GPC3: variants seen among roughly 807,000 people sequenced by gnomAD.
The protein encoded by GPC3 is glypican 3.
In GPC3, 3 loss-of-function variants were observed where a neutral mutation model predicts 34.4. The ratio of observed to expected loss-of-function variants is 0.09; its 90% CI spans 0.04 to 0.23. The LOEUF is 0.23. Among genes scored for constraint, GPC3 ranks in the 10% least tolerant of loss-of-function variants. The pLI is 1.00. For synonymous variants in GPC3, 177 were observed against 174.0 expected (o/e 1.02, Z -0.13); for missense variants, 351 against 445.6 (o/e 0.79, Z 1.91).
intron 5 of GPC3, among the ~76,000 whole-genome samples, chrX:133,686,787 ACACACACACACACACACTTGCGCCTG>A (rs1348134797): frequency 9.1e-6 from 1 of 110,236 alleles, no homozygotes; most frequent in Non-Finnish European, 1.9e-5. Context: ...ACACACACAC[ACACACACACACACACACTTGCGCCTG>A]CACACACACA....
At chrX:133,609,102 C>T (rs1424841941) in intron 6 of GPC3, among the ~76,000 whole-genome samples, 1 of 112,123 alleles carries the variant, frequency 8.9e-6, no homozygotes, top group Non-Finnish European at 1.9e-5. Flanking sequence ...TAGCTTCACT[C>T]CTTAAGTAAA....
chrX:133,762,759 C>T (rs765820546), intron 2 of GPC3: 2 of 432,159 alleles, frequency 4.6e-6, no homozygotes, highest in Non-Finnish European at 4.1e-6. Flanking sequence ...CAGCGTTTTT[C>T]GGGATTCCTG....
chrX:133,715,267 C>A (rs1452182475), intron 3 of GPC3, among the ~76,000 whole-genome samples: 2 of 111,898 alleles, frequency 1.8e-5, no homozygotes, highest in South Asian at 3.8e-4. Context: ...GACTTAACAC[C>A]AGTGGTTTGC....
intron 3 of GPC3, among the ~76,000 whole-genome samples, chrX:133,701,020 T>C (rs1872049154): frequency 8.9e-6 from 1 of 111,739 alleles, no homozygotes; most frequent in Non-Finnish European, 1.9e-5. Context: ...CCTTCTTTCC[T>C]CCCTTTCTTC....
chrX:133,904,143 G>A (rs992539533), intron 2 of GPC3, among the ~76,000 whole-genome samples: 1 of 111,969 alleles, frequency 8.9e-6, no homozygotes, highest in African/African-American at 3.2e-5. Flanking sequence ...GATGTTTTCT[G>A]ATATATCTGA....
At chrX:133,616,123 C>T (rs192395187) in intron 6 of GPC3, among the ~76,000 whole-genome samples, 1 of 111,598 alleles carries the variant, frequency 9.0e-6, no homozygotes, top group East Asian at 2.8e-4. Flanking sequence ...ACAAGTAACA[C>T]GACTTTGTAC....
At chrX:133,981,647 TTC>T (rs2076539825) in intron 1 of GPC3, among the ~76,000 whole-genome samples, 1 of 112,171 alleles carries the variant, frequency 8.9e-6, no homozygotes, top group Non-Finnish European at 1.9e-5. Context: ...TCACTTATTA[TTC>T]TCTCTCTGGA....
intron 3 of GPC3, among the ~76,000 whole-genome samples, chrX:133,703,933 C>G (rs2071190401): frequency 8.9e-6 from 1 of 112,193 alleles, no homozygotes; most frequent in Non-Finnish European, 1.9e-5. Context: ...TGTCTTGGGC[C>G]ACACATAAAA....
At chrX:133,914,855 C>G (rs1603271666) in intron 2 of GPC3, among the ~76,000 whole-genome samples, 1 of 74,610 alleles carries the variant, frequency 1.3e-5, no homozygotes, top group Non-Finnish European at 2.6e-5. Flanking sequence ...AAAAGAGAAA[C>G]AAAAATTAAC....
intron 5 of GPC3, among the ~76,000 whole-genome samples, chrX:133,679,421 G>C (rs542827639): frequency 1.8e-5 from 2 of 110,900 alleles, no homozygotes; most frequent in African/African-American, 6.6e-5. Flanking sequence ...AGGCAGGGGA[G>C]GTATTAATTT....
intron 6 of GPC3, among the ~76,000 whole-genome samples, chrX:133,603,876 T>C (rs749946044): frequency 3.6e-5 from 4 of 111,821 alleles, no homozygotes; most frequent in Non-Finnish European, 5.6e-5. Context: ...TTGTGCTTGG[T>C]CCATGGGAGA....
intron 6 of GPC3, among the ~76,000 whole-genome samples, chrX:133,643,490 A>C (rs909807045): frequency 8.9e-6 from 1 of 112,232 alleles, no homozygotes; most frequent in Admixed American, 9.4e-5. Context: ...TTCTGATTTA[A>C]AAAAATAATT....
chrX:133,783,852 T>C (rs2072075024), intron 2 of GPC3, among the ~76,000 whole-genome samples: 1 of 112,187 alleles, frequency 8.9e-6, no homozygotes, highest in Non-Finnish European at 1.9e-5. Flanking sequence ...CTGGCCATTG[T>C]TTTAAAAGGA....
intron 2 of GPC3, among the ~76,000 whole-genome samples, chrX:133,770,576 A>C (rs1679103193): frequency 9.0e-6 from 1 of 111,547 alleles, no homozygotes; most frequent in Non-Finnish European, 1.9e-5. Flanking sequence ...AATCTCCTAG[A>C]AAGTCCCAAG....
At chrX:133,863,138 T>C (rs1391709980) in intron 2 of GPC3, among the ~76,000 whole-genome samples, 1 of 112,591 alleles carries the variant, frequency 8.9e-6, no homozygotes, top group East Asian at 2.8e-4. Flanking sequence ...ATTGGTCTCA[T>C]GTAGAAAATG....
rs151203963 is a variant in GPC3 at position 133,553,671 on chromosome X, T to C, written c.1574-17378A>G. On this transcript the variant is annotated intron_variant, in intron 7 of 7. Transcript: ENST00000370818. ...TTTTCCCAAACCATTTAGGAAGAGA[T>C]CAGACTAGAAGTGCCCCTTGGAATA... 3.0e-4 allele frequency among the ~76,000 whole-genome samples: 34 copies of C among 111,664 alleles called. No homozygotes were observed. In the East Asian group the frequency reaches 9.4e-3, roughly 31 times the overall value.
At position 133,586,064 on chromosome X, in the gene GPC3, C is replaced by T. The variant is rs765874530; in HGVS notation, c.1573+10376G>A. 2.1e-3 allele frequency among the ~76,000 whole-genome samples: 233 copies of T among 111,755 alleles called. 1 individual carries two copies. The highest frequency in any genetic ancestry group is 3.6e-3 in the Non-Finnish European group (193 of 53,154). On this transcript the variant is annotated intron_variant, in intron 7 of 7. Transcript: ENST00000370818. The stretch of plus-strand genomic sequence containing the variant: ...TGGCTCAGATGGGAAAGTATCACAG[C>T]GCAGCACACCTAGAAAAGCAAATCT...
At position 133,764,537 on chromosome X, in the gene GPC3, C is replaced by T. The variant is rs1162249847; in HGVS notation, c.338-10361G>A. Among the ~76,000 whole-genome samples, 3 of 111,803 alleles carry T rather than the reference C, an allele frequency of 2.7e-5. No homozygotes were observed. In the East Asian group the frequency reaches 8.4e-4, roughly 31 times the overall value. ...TAACAATGTTAAAATTAGGGAGTTG[C>T]TAATAAGGCTACCTTCATCATCGCT... On this transcript the variant is annotated intron_variant, in intron 2 of 7. Coordinates refer to ENST00000370818, the MANE Select transcript of GPC3 (RefSeq NM_004484.4).
intron 2 of GPC3, among the ~76,000 whole-genome samples, chrX:133,890,068 C>T (rs761459742): frequency 5.0e-4 from 55 of 110,602 alleles, no homozygotes; most frequent in Non-Finnish European, 8.1e-4. Context: ...TGCACCTGGC[C>T]TCTAGCCTTC....
Sources: allele counts gnomAD v4.1 joint callset (sites outside exome capture counted in the v4.1 genomes callset), GRCh38; gene constraint gnomAD v4.1.1; transcripts MANE v1.5; gene names NCBI Gene and HGNC (gene_info 2026-07-23, HGNC 2026-07-21).